Variants in RPL22L1 observed in about 807,000 individuals in gnomAD.
RPL22L1 encodes the protein ribosomal protein L22 like 1, also known as ribosomal protein eL22-like.
Under a neutral mutation model 17.3 loss-of-function variants are expected in RPL22L1, and 19 were observed. The observed-to-expected ratio is 1.10, with a 90% confidence interval of 0.77 to 1.61. The LOEUF is 1.61. RPL22L1 is among the 40% of genes most tolerant of loss of function. The pLI, the probability that RPL22L1 is intolerant of heterozygous loss-of-function variation, is 0.00. For synonymous variants in RPL22L1, 48 were observed against 48.5 expected (o/e 0.99, Z 0.05); for missense variants, 139 against 144.4 (o/e 0.96, Z 0.19).
intron 2 of RPL22L1, 68 bp from the exon 3 acceptor site, chr3:170,868,202 C>T: frequency 6.5e-7 from 1 of 1,530,392 alleles, no homozygotes; most frequent in Non-Finnish European, 9.0e-7. Context: ...GGAAGGTACC[C>T]TAGGAATAGA....
rs1277034216 is a variant in RPL22L1, at chr3:170,870,162, C to A, written c.6G>T (p.Ala2=). The A allele has an allele frequency of 6.2e-7, 1 of 1,613,982 alleles. No individual in the cohort carries two copies. Among genetic ancestry groups the A allele is most frequent in the Non-Finnish European group, 8.5e-7 (1 of 1,179,882 alleles). M[A]PQKDRKPKRS... is the part of the protein sequence containing the mutation. ...CACCAAGACATCGCTCACTCACCGG[C>A]GCCATCTTGCGAGTCGGCCGCGAGA... is the stretch of plus-strand genomic sequence containing the variant. Residue 2 remains alanine (A), a synonymous_variant, in exon 1 of 4, where the codon GCG becomes GCT. Transcript: ENST00000295830.
In RPL22L1 at chr3:170,868,323, T is replaced by C. The variant is rs779043633; in HGVS notation, c.77A>G (p.Asp26Gly). Reference sequence around the variant, plus strand: ...AAAATTTCCAGAATCAAAAATTCCATCTTCTACTGGATGAGTAAGGTCCAA... The same window carrying C: ...AAAATTTCCAGAATCAAAAATTCCACCTTCTACTGGATGAGTAAGGTCCAA... The part of the protein sequence containing the change: ...FNLDLTHPVE[D>G]GIFDSGNFEQ... The change falls in exon 2 of 4, where the codon GAT becomes GGT. Residue 26 changes from aspartate to glycine, a missense_variant. Physicochemically the swap from Asp to Gly is moderately conservative, Grantham distance 94 (BLOSUM62 -1). Transcript: ENST00000295830. 1.2e-6 allele frequency: 2 copies of C among 1,609,658 alleles called. No homozygotes were observed. The highest frequency in any genetic ancestry group is 1.3e-5 in the African/African-American group (1 of 74,830).
chr3:170,867,032 C>T (rs187466828), intron 3 of RPL22L1, among the ~76,000 whole-genome samples: 1 of 152,114 alleles, frequency 6.6e-6, no homozygotes, highest in African/African-American at 2.4e-5. Flanking sequence ...CTGTAAGATA[C>T]TTGATTTACA....
rs750647963 is a variant in RPL22L1 at position 170,866,367 on chromosome 3, G to T, written c.*13C>A. On this transcript the variant is annotated 3_prime_UTR_variant, in exon 4 of 4. Coordinates refer to ENST00000295830, the MANE Select transcript of RPL22L1 (RefSeq NM_001099645.2). ...TTTATTAATAAGCAAAGCCCTGTAA[G>T]GGGAGCCTTTGCCTAGTCCTCCGAC... is the stretch of plus-strand genomic sequence containing the variant. 45 of 1,591,962 alleles carry T rather than the reference G, an allele frequency of 2.8e-5. No homozygotes were observed. Among genetic ancestry groups the T allele is most frequent in the Middle Eastern group, 1.7e-4 (1 of 6,028 alleles).
At position 170,866,133 on chromosome 3, in the gene RPL22L1, T is replaced by TG. The variant is rs1711751304; in HGVS notation, c.*246dup. 1 of 301,082 alleles carries TG rather than the reference T, an allele frequency of 3.3e-6. No homozygotes were observed. Among genetic ancestry groups the TG allele is most frequent in the African/African-American group, 2.2e-5 (1 of 46,092 alleles). 18.7% of individuals were successfully genotyped at this position (301,082 alleles called of 1,614,324 possible). A position where few individuals can be genotyped will look rare whatever the true frequency, so the allele number is the denominator to read the frequency against. On this transcript the variant is annotated 3_prime_UTR_variant, in exon 4 of 4. Coordinates refer to ENST00000295830, the MANE Select transcript of RPL22L1 (RefSeq NM_001099645.2). ...TTTCCTATATAACGCTACTTTTACC[T>TG]GAGTACATAAAAGATTTTGGAAATC...
intron 1 of RPL22L1, 136 bp downstream of exon 1, chr3:170,870,023 T>C: frequency 7.8e-7 from 1 of 1,287,744 alleles, no homozygotes; most frequent in Non-Finnish European, 1.1e-6. Flanking sequence ...GTCTTGGTTG[T>C]GTTTCTGACC....
intron 1 of RPL22L1, among the ~76,000 whole-genome samples, chr3:170,869,112 T>TC (rs1642220798): frequency 9.3e-6 from 1 of 107,476 alleles, no homozygotes; most frequent in Non-Finnish European, 1.9e-5. Context: ...AGACTCTGTC[T>TC]CAAAAAAAAA....
Position 170,870,181 on chromosome 3 carries a change from C to A in RPL22L1, c.-14G>T, listed in dbSNP as rs777034073. 2.7e-5 allele frequency: 44 copies of A among 1,613,792 alleles called. No individual in the cohort carries two copies. Among genetic ancestry groups the A allele is most frequent in the Non-Finnish European group, 1.8e-5 (21 of 1,179,888 alleles). On this transcript the variant is annotated 5_prime_UTR_variant, in exon 1 of 4. Coordinates refer to ENST00000295830, the MANE Select transcript of RPL22L1 (RefSeq NM_001099645.2). The stretch of plus-strand genomic sequence containing the variant: ...CACCGGCGCCATCTTGCGAGTCGGC[C>A]GCGAGAGCAGAGAGGAAGCTACGGC...
In RPL22L1 at chr3:170,865,189, C is replaced by T. The variant is rs989531533; in HGVS notation, c.*1191G>A. 1.3e-4 allele frequency: 20 copies of T among 152,164 alleles called. No homozygotes were observed. Among genetic ancestry groups the T allele is most frequent in the Non-Finnish European group, 2.5e-4 (17 of 68,032 alleles). 9.4% of individuals were successfully genotyped at this position (152,164 alleles called of 1,614,324 possible). A position where few individuals can be genotyped will look rare whatever the true frequency, so the allele number is the denominator to read the frequency against. On this transcript the variant is annotated 3_prime_UTR_variant, in exon 4 of 4. Transcript: ENST00000295830. ...GGGGGCACTTAAATTTTTAGGAAAA[C>T]GAATTAAAACATTGAATTAAACAAT...
chr3:170,867,486 ACT>A lies in RPL22L1; in HGVS notation c.224+525_224+526del, dbSNP rs926255006. Reference sequence around the variant, plus strand: ...ATCACTGCTTGATTAATTCCATTTCACTCTCTCTTCTCCACTAGAAGTTTCTT... The same window carrying A: ...ATCACTGCTTGATTAATTCCATTTCACTCTCTTCTCCACTAGAAGTTTCTT... On this transcript the variant is annotated intron_variant, in intron 3 of 3. Coordinates refer to ENST00000295830, the MANE Select transcript of RPL22L1 (RefSeq NM_001099645.2). Among the ~76,000 whole-genome samples, 4 of 146,394 alleles carry A rather than the reference ACT, an allele frequency of 2.7e-5. No homozygotes were observed. In the East Asian group the frequency reaches 6.1e-4, roughly 22 times the overall value.
chr3:170,869,524 C>T (rs765376414), intron 1 of RPL22L1, among the ~76,000 whole-genome samples: 3 of 152,178 alleles, frequency 2.0e-5, no homozygotes, highest in Non-Finnish European at 4.4e-5. Flanking sequence ...TTGTAAATTG[C>T]GCATGTATAT....
At position 170,866,332 on chromosome 3, in the gene RPL22L1, C is replaced by A; in HGVS notation, c.*48G>T. 6.8e-7 allele frequency: 1 copy of A among 1,479,152 alleles called. No homozygotes were observed. The allele number at this position is 1,479,152 out of a possible 1,614,324, so 91.6% of individuals were successfully genotyped here. A position where few individuals can be genotyped will look rare whatever the true frequency, so the allele number is the denominator to read the frequency against. On this transcript the variant is annotated 3_prime_UTR_variant, in exon 4 of 4. Transcript: ENST00000295830. ...AATTTCTTGGTATTTCTCATGTATACTTCATTTATTTTATTAATAAGCAAA... is the reference window on the plus strand; with the variant it reads ...AATTTCTTGGTATTTCTCATGTATAATTCATTTATTTTATTAATAAGCAAA...
At chr3:170,867,835 A>G (rs570234958) in intron 3 of RPL22L1, among the ~76,000 whole-genome samples, 178 bp downstream of exon 3, 1 of 151,718 alleles carries the variant, frequency 6.6e-6, no homozygotes, top group African/African-American at 2.4e-5. Context: ...GCAATAAATG[A>G]CACTTACAAC....
chr3:170,868,605 T>G (rs1283330999), intron 1 of RPL22L1, among the ~76,000 whole-genome samples: 1 of 152,008 alleles, frequency 6.6e-6, no homozygotes, highest in Admixed American at 6.6e-5. Context: ...GTCAAAAAGT[T>G]ACGGACTTTC....
In RPL22L1 at chr3:170,865,483, C is replaced by G. The variant is rs533212335; in HGVS notation, c.*897G>C. 1.3e-5 allele frequency: 2 copies of G among 152,286 alleles called. No homozygotes were observed. Among genetic ancestry groups the G allele is most frequent in the South Asian group, 4.1e-4 (2 of 4,828 alleles). The allele number at this position is 152,286 out of a possible 1,614,324, so 9.4% of individuals were successfully genotyped here. ...CCATCCACTTGTAAGTTTCAATAGACAACCAACACGCCGGTGTTGGGGTAG... is the reference window on the plus strand; with the variant it reads ...CCATCCACTTGTAAGTTTCAATAGAGAACCAACACGCCGGTGTTGGGGTAG... On this transcript the variant is annotated 3_prime_UTR_variant, in exon 4 of 4. Transcript: ENST00000295830.
Position 170,868,038 on chromosome 3 carries a change from C to T in RPL22L1, c.199G>A (p.Val67Ile), listed in dbSNP as rs139790884. 91 of 1,600,194 alleles carry T rather than the reference C, an allele frequency of 5.7e-5. No homozygotes were observed. In the East Asian group the frequency reaches 1.8e-3, roughly 31 times the overall value. Residue 67 changes from valine to isoleucine, a missense_variant, in exon 3 of 4, where the codon GTT (valine) becomes ATT (isoleucine). Coordinates refer to ENST00000295830, the MANE Select transcript of RPL22L1 (RefSeq NM_001099645.2). ...IERFKNKITV[V>I]SEKQFSKRYL... Reference sequence around the variant, plus strand: ...CTTTTAGAGAACTGTTTCTCAGAAACAACTGTGATTTTATTCTTGAAGCGT... The same window carrying T: ...CTTTTAGAGAACTGTTTCTCAGAAATAACTGTGATTTTATTCTTGAAGCGT...
chr3:170,866,376 T>C lies in RPL22L1; in HGVS notation c.*4A>G, dbSNP rs1359161189. On this transcript the variant is annotated 3_prime_UTR_variant, in exon 4 of 4. Coordinates refer to ENST00000295830, the MANE Select transcript of RPL22L1 (RefSeq NM_001099645.2). ...AAGCAAAGCCCTGTAAGGGGAGCCT[T>C]TGCCTAGTCCTCCGACTCTGATTCA... 6.3e-7 allele frequency: 1 copy of C among 1,599,496 alleles called. No homozygotes were observed. Among genetic ancestry groups the C allele is most frequent in the Admixed American group, 1.7e-5 (1 of 58,488 alleles).
chr3:170,865,691 G>A lies in RPL22L1; in HGVS notation c.*689C>T, dbSNP rs1223553068. 1 of 152,176 alleles carries A rather than the reference G, an allele frequency of 6.6e-6. No individual in the cohort carries two copies. The highest frequency in any genetic ancestry group is 1.9e-4 in the East Asian group (1 of 5,198). 9.4% of individuals were successfully genotyped at this position (152,176 alleles called of 1,614,324 possible). On this transcript the variant is annotated 3_prime_UTR_variant, in exon 4 of 4. Transcript: ENST00000295830. Reference sequence around the variant, plus strand: ...GCAGTTTAACATTGGTTTACAGCAGGCCTCACACCCAGAGTCTTTGGGCTA... The same window carrying A: ...GCAGTTTAACATTGGTTTACAGCAGACCTCACACCCAGAGTCTTTGGGCTA...
chr3:170,868,311 T>C lies in RPL22L1; in HGVS notation c.89A>G (p.Asp30Gly), dbSNP rs1178016386. 1 of 1,606,968 alleles carries C rather than the reference T, an allele frequency of 6.2e-7. No individual in the cohort carries two copies. The highest frequency in any genetic ancestry group is 1.3e-5 in the African/African-American group (1 of 74,742). Residue 30 changes from aspartate (D) to glycine (G), a missense_variant, in exon 2 of 4, where the codon GAT becomes GGT. Transcript: ENST00000295830. ...LTHPVEDGIFDSGNFEQFLRE... is the reference protein window; with the variant it reads ...LTHPVEDGIFGSGNFEQFLRE... ...AATGATACTTACAAAATTTCCAGAATCAAAAATTCCATCTTCTACTGGATG... is the reference window on the plus strand; with the variant it reads ...AATGATACTTACAAAATTTCCAGAACCAAAAATTCCATCTTCTACTGGATG...
Sources: allele counts gnomAD v4.1 joint callset (sites outside exome capture counted in the v4.1 genomes callset), GRCh38; gene constraint gnomAD v4.1.1; transcripts MANE v1.5; gene names NCBI Gene and HGNC (gene_info 2026-07-23, HGNC 2026-07-21).